TTC28: variants seen among roughly 807,000 people sequenced by gnomAD.
TTC28 encodes tetratricopeptide repeat protein 28.
TTC28 carries 61 observed loss-of-function variants against 198.0 expected under a neutral mutation model. That is an observed-to-expected ratio of 0.31 (90% CI 0.25 to 0.38). The LOEUF (loss-of-function observed/expected upper bound fraction) is 0.38. Among genes scored for constraint, TTC28 ranks in the 10% least tolerant of loss-of-function variants. TTC28 has a pLI of 1.00. For synonymous variants in TTC28, 1,171 were observed against 1,297.8 expected (o/e 0.90, Z 2.10); for missense variants, 2,678 against 3,164.0 (o/e 0.85, Z 3.69).
At chr22:28,085,956 A>G (rs1211501578) in intron 12 of TTC28, among the ~76,000 whole-genome samples, 1 of 152,194 alleles carries the variant, frequency 6.6e-6, no homozygotes, top group Admixed American at 6.6e-5. Context: ...CAACAAGAAG[A>G]GCTAACTATC....
rs560854087 is a variant in TTC28, at chr22:28,319,521, A to C, written c.382-12878T>G. 3.3e-5 allele frequency among the ~76,000 whole-genome samples: 5 copies of C among 152,298 alleles called. No individual in the cohort carries two copies. In the South Asian group the frequency reaches 1.0e-3, roughly 32 times the overall value. ...GATAATCCTCTATAGATTATAACAA[A>C]TAATATAACACTGTGGTGTGGGATG... On this transcript the variant is annotated intron_variant, in intron 2 of 22. Transcript: ENST00000397906.
chr22:27,998,107 C>T (rs1306635622), intron 16 of TTC28: 1 of 200,578 alleles, frequency 5.0e-6, no homozygotes, highest in African/African-American at 2.3e-5. Context: ...TGTCATCGCA[C>T]CACCATCATC....
intron 6 of TTC28, among the ~76,000 whole-genome samples, chr22:28,138,460 A>G (rs1943252993): frequency 6.6e-6 from 1 of 152,366 alleles, no homozygotes; most frequent in South Asian, 2.1e-4. Flanking sequence ...TAATAAAATA[A>G]GAGTTAAAAG....
intron 12 of TTC28, among the ~76,000 whole-genome samples, chr22:28,044,995 A>G (rs147216780): frequency 1.6e-4 from 24 of 152,344 alleles, no homozygotes; most frequent in African/African-American, 5.1e-4. Context: ...GTATGAATAC[A>G]CAATGACTGT....
At chr22:28,231,708 A>G (rs1292289032) in intron 5 of TTC28, among the ~76,000 whole-genome samples, 1 of 152,252 alleles carries the variant, frequency 6.6e-6, no homozygotes, top group Non-Finnish European at 1.5e-5. Flanking sequence ...AGGAAAGCCC[A>G]TGAAAATAAA....
At chr22:28,032,168 G>GTATATATATATATATATATAAAA (rs1939115711) in intron 12 of TTC28, among the ~76,000 whole-genome samples, 4 of 91,080 alleles carry the variant, frequency 4.4e-5, no homozygotes, top group Non-Finnish European at 8.9e-5. Context: ...CTTAGTGTGT[G>GTATATATATATATATATATAAAA]TATATATATA....
intron 12 of TTC28, among the ~76,000 whole-genome samples, chr22:28,042,400 A>C (rs1939680068): frequency 6.6e-6 from 1 of 152,234 alleles, no homozygotes; most frequent in South Asian, 2.1e-4. Flanking sequence ...CTATGCAGAC[A>C]TAAAAAAAGG....
chr22:28,293,270 T>C (rs1449283961), intron 5 of TTC28, among the ~76,000 whole-genome samples: 2 of 152,138 alleles, frequency 1.3e-5, no homozygotes, highest in Non-Finnish European at 2.9e-5. Flanking sequence ...CATACATATA[T>C]TGGAATGTTA....
chr22:28,332,886 G>C (rs756452022), intron 2 of TTC28, among the ~76,000 whole-genome samples: 2 of 152,022 alleles, frequency 1.3e-5, no homozygotes, highest in Non-Finnish European at 2.9e-5. Flanking sequence ...AACTAATTCA[G>C]CTGGAAATAA....
chr22:28,207,223 G>GAAAAAAAAAAAAAAA (rs367995993), intron 5 of TTC28, among the ~76,000 whole-genome samples: 2 of 78,694 alleles, frequency 2.5e-5, no homozygotes, highest in Non-Finnish European at 2.9e-5. Flanking sequence ...CTAAGCAGAT[G>GAAAAAAAAAAAAAAA]GAAAAAAAAA....
At chr22:28,329,163 T>C (rs2045578581) in intron 2 of TTC28, among the ~76,000 whole-genome samples, 1 of 152,084 alleles carries the variant, frequency 6.6e-6, no homozygotes, top group Non-Finnish European at 1.5e-5. Context: ...CTCCTGTAAT[T>C]GTGTAAATAT....
At chr22:28,424,430 T>A (rs1041466367) in intron 2 of TTC28, among the ~76,000 whole-genome samples, 3 of 152,176 alleles carry the variant, frequency 2.0e-5, no homozygotes, top group African/African-American at 7.2e-5. Context: ...ACTACATACT[T>A]CTATTAGAAT....
chr22:28,460,542 G>GTATA (rs41564112), intron 2 of TTC28, among the ~76,000 whole-genome samples: 14 of 149,518 alleles, frequency 9.4e-5, no homozygotes, highest in Admixed American at 3.3e-4. Context: ...TATCTAATAT[G>GTATA]TATATATATA....
chr22:28,327,383 G>A (rs560816050), intron 2 of TTC28, among the ~76,000 whole-genome samples: 1 of 152,316 alleles, frequency 6.6e-6, no homozygotes, highest in East Asian at 1.9e-4. Flanking sequence ...CAAGGAGGCT[G>A]TGATGTGCCT....
At chr22:28,054,466 G>A (rs987330282) in intron 12 of TTC28, among the ~76,000 whole-genome samples, 1 of 152,154 alleles carries the variant, frequency 6.6e-6, no homozygotes, top group African/African-American at 2.4e-5. Context: ...CAGGGTTTGA[G>A]CCATGTCTTT....
chr22:28,660,697 T>A (rs988250329), intron 1 of TTC28, among the ~76,000 whole-genome samples: 8 of 152,062 alleles, frequency 5.3e-5, no homozygotes, highest in African/African-American at 1.9e-4. Flanking sequence ...CTAATTTTTG[T>A]GTTTTCAGTA....
rs79380312 is a variant in TTC28 at position 28,118,013 on chromosome 22, T to C, written c.1442-9610A>G. ...ACCCCATTTACCCCGATGGTGATTA[T>C]TACGCATTATATGCTTGTATCAAAA... On this transcript the variant is annotated intron_variant, in intron 6 of 22. Coordinates refer to ENST00000397906, the MANE Select transcript of TTC28 (RefSeq NM_001145418.2). 5.3e-5 allele frequency among the ~76,000 whole-genome samples: 8 copies of C among 152,338 alleles called. No individual in the cohort carries two copies. The East Asian group carries it at 1.5e-3, about 29-fold the overall frequency.
rs1227450152 is a variant in TTC28, at chr22:28,430,257, T to C, written c.382-123614A>G. Among the ~76,000 whole-genome samples, 5 of 152,230 alleles carry C rather than the reference T, an allele frequency of 3.3e-5. No individual in the cohort carries two copies. In the South Asian group the frequency reaches 6.2e-4, roughly 19 times the overall value. ...ATTAAGATGATTTCCCTTACAGAAA[T>C]TGCCATAATTACAAGTAATTATCTT... On this transcript the variant is annotated intron_variant, in intron 2 of 22. Transcript: ENST00000397906.
intron 2 of TTC28, among the ~76,000 whole-genome samples, chr22:28,393,246 T>C (rs1649055003): frequency 6.6e-6 from 1 of 152,120 alleles, no homozygotes; most frequent in African/African-American, 2.4e-5. Context: ...TCTAGCCAGA[T>C]CTAGCACTTT....
Sources: allele counts gnomAD v4.1 joint callset (sites outside exome capture counted in the v4.1 genomes callset), GRCh38; gene constraint gnomAD v4.1.1; transcripts MANE v1.5; gene names NCBI Gene and HGNC (gene_info 2026-07-23, HGNC 2026-07-21).